Variants in ACOT11 observed in about 807,000 individuals in gnomAD.
ACOT11 encodes acyl-coenzyme A thioesterase 11.
Under a neutral mutation model 77.5 loss-of-function variants are expected in ACOT11, and 69 were observed. That is an observed-to-expected ratio of 0.89 (90% CI 0.73 to 1.09). The LOEUF is 1.09. Among genes scored for constraint, ACOT11 ranks in the 50% least tolerant of loss-of-function variants. The probability of loss-of-function intolerance (pLI) is 0.00; values close to 1 mark genes in which losing one functional copy is unlikely to be tolerated. For synonymous variants in ACOT11, 279 were observed against 313.0 expected (o/e 0.89, Z 1.15); for missense variants, 766 against 813.7 (o/e 0.94, Z 0.71).
chr1:54,601,511 C>A, intron 9 of ACOT11, 98 bp downstream of exon 9: 2 of 1,510,648 alleles, frequency 1.3e-6, no homozygotes, highest in Non-Finnish European at 1.8e-6. Flanking sequence ...GACCTAGAGG[C>A]GTGAGGGGCC....
intron 1 of ACOT11, among the ~76,000 whole-genome samples, chr1:54,554,351 ATTTTTT>A (rs35047110): frequency 5.1e-5 from 5 of 97,254 alleles, no homozygotes; most frequent in South Asian, 7.0e-4. Flanking sequence ...ATATATATAT[ATTTTTT>A]TTTTTTTTTT....
At chr1:54,619,358 G>A (rs1313681694) in intron 15 of ACOT11, among the ~76,000 whole-genome samples, 2 of 152,158 alleles carry the variant, frequency 1.3e-5, no homozygotes, top group South Asian at 2.1e-4. Flanking sequence ...CTCCAATGTT[G>A]GCTTAACTGC....
intron 13 of ACOT11, among the ~76,000 whole-genome samples, 198 bp from the exon 14 acceptor site, chr1:54,606,936 G>C (rs572047313): frequency 2.0e-5 from 3 of 152,258 alleles, no homozygotes; most frequent in East Asian, 3.8e-4. Flanking sequence ...ACATGTGCCT[G>C]TGTGTGCACA....
At chr1:54,566,254 C>A (rs138974171) in intron 1 of ACOT11, among the ~76,000 whole-genome samples, 1 of 152,046 alleles carries the variant, frequency 6.6e-6, no homozygotes, top group African/African-American at 2.4e-5. Flanking sequence ...GTCAGGAGTT[C>A]GAGAGCAGCC....
intron 15 of ACOT11, chr1:54,623,205 G>A (rs888486497): frequency 2.0e-6 from 2 of 982,148 alleles, no homozygotes; most frequent in Admixed American, 3.7e-5. Context: ...GGTCAGAGCT[G>A]TAAGTGAGAA....
downstream of ACOT11, among the ~76,000 whole-genome samples, chr1:54,611,382 A>G (rs1212883266): frequency 6.7e-6 from 1 of 149,642 alleles, no homozygotes; most frequent in Non-Finnish European, 1.5e-5. Flanking sequence ...CCTGGGTGAC[A>G]GAGTCAGACT....
chr1:54,603,730 A>G, intron 10 of ACOT11, 141 bp from the exon 11 acceptor site: 1 of 779,026 alleles, frequency 1.3e-6, no homozygotes, highest in East Asian at 2.5e-5. Context: ...CTGTGTGACC[A>G]TCCAGCCTCC....
At chr1:54,606,093 TG>T (rs943950733) in intron 13 of ACOT11, among the ~76,000 whole-genome samples, 7 of 152,220 alleles carry the variant, frequency 4.6e-5, no homozygotes, top group Admixed American at 6.5e-5. Flanking sequence ...TCTTTATACA[TG>T]GGCTTCCTGC....
chr1:54,549,143 G>A (rs1030141336), intron 1 of ACOT11, among the ~76,000 whole-genome samples: 5 of 152,016 alleles, frequency 3.3e-5, no homozygotes, highest in African/African-American at 7.3e-5. Flanking sequence ...CATCCTCACC[G>A]GGCCCTGTGC....
intron 1 of ACOT11, 48 bp downstream of exon 1, chr1:54,548,390 C>T: frequency 1.3e-6 from 2 of 1,572,714 alleles, no homozygotes; most frequent in Admixed American, 1.8e-5. Flanking sequence ...AAGCTGGGCA[C>T]CCAGAAAGAG....
intron 1 of ACOT11, among the ~76,000 whole-genome samples, chr1:54,575,632 G>A (rs557208562): frequency 1.3e-5 from 2 of 152,374 alleles, no homozygotes; most frequent in East Asian, 3.9e-4. Context: ...GGGCCCTGGA[G>A]ATACCAGAAG....
downstream of ACOT11, among the ~76,000 whole-genome samples, chr1:54,614,027 G>A (rs866027519): frequency 1.6e-4 from 25 of 152,314 alleles, no homozygotes; most frequent in Middle Eastern, 0.017. Flanking sequence ...TGTTCTGCAA[G>A]TCAAGTGCTT....
Position 54,599,363 on chromosome 1 carries a change from G to A in ACOT11, c.832G>A (p.Val278Ile), listed in dbSNP as rs367973317. The A allele has an allele frequency of 8.8e-5, 142 of 1,608,698 alleles. 2 individuals are homozygous for A. The South Asian group carries it at 1.5e-3, about 17-fold the overall frequency. Reference protein sequence around the residue: ...EMFHFRGPSQVGDRLVLKAIV... With the variant: ...EMFHFRGPSQIGDRLVLKAIV... ...GTTCCACTTCCGAGGCCCGTCCCAG[G>A]TCGGCGACCGTCTGGTGCTCAAAGC... is the stretch of plus-strand genomic sequence containing the variant. The change falls in exon 8 of 16, where the codon GTC becomes ATC. Residue 278 changes from valine (V) to isoleucine (I), a missense_variant. Physicochemically the swap from Val to Ile is conservative, Grantham distance 29. Transcript: ENST00000343744.
rs35914008 is a variant in ACOT11 at position 54,607,242 on chromosome 1, G to C, written c.1479G>C (p.Ser493=). 3.7e-6 allele frequency: 6 copies of C among 1,614,024 alleles called. No homozygotes were observed. In the South Asian group the frequency reaches 5.5e-5, roughly 15 times the overall value. The part of the protein sequence containing the change: ...TKPQDFVILA[S]RRKPCDNGDP... ...CCCAGGACTTCGTGATCCTGGCCTCGAGGCGGAAGCCTTGTGACAATGGGT... is the reference window on the plus strand; with the variant it reads ...CCCAGGACTTCGTGATCCTGGCCTCCAGGCGGAAGCCTTGTGACAATGGGT... Residue 493 remains serine, a synonymous_variant, in exon 14 of 16, where the codon TCG becomes TCC. Transcript: ENST00000343744. The surrounding 1 kb of genome is among the most constrained non-coding windows in gnomAD (Gnocchi z 4.5).
chr1:54,634,594 T>A, intron 16 of ACOT11: 1 of 683,806 alleles, frequency 1.5e-6, no homozygotes, highest in Non-Finnish European at 2.7e-6. Flanking sequence ...CACAATTGAA[T>A]CTAGCATTAT....
At chr1:54,611,662 T>C, downstream of ACOT11, 1 of 1,614,054 alleles carries the variant, frequency 6.2e-7, no homozygotes, top group Non-Finnish European at 8.5e-7. Flanking sequence ...GTAGACTTGG[T>C]GGACAGCAGT....
Position 54,608,653 on chromosome 1 carries a change from G to A in ACOT11, c.1630-304G>A, listed in dbSNP as rs140186916. 2.6e-3 allele frequency among the ~76,000 whole-genome samples: 398 copies of A among 152,276 alleles called. 3 individuals carry two copies. Among genetic ancestry groups the A allele is most frequent in the Non-Finnish European group, 3.7e-3 (250 of 67,984 alleles). On this transcript the variant is annotated intron_variant, in intron 15 of 15. Coordinates refer to ENST00000343744, the MANE Select transcript of ACOT11 (RefSeq NM_147161.4). ...TGGCCGAGATTCAGAGCTGGGCCCT[G>A]GAGATGCAGCCCCTGCCCTCCAGGG...
chr1:54,583,296 C>T (rs1654384307), intron 1 of ACOT11, among the ~76,000 whole-genome samples: 1 of 152,162 alleles, frequency 6.6e-6, no homozygotes, highest in Admixed American at 6.5e-5. Flanking sequence ...CTGGGTCAGA[C>T]AGGCCTGGTT....
chr1:54,558,785 G>T (rs766386688), intron 1 of ACOT11, among the ~76,000 whole-genome samples: 1 of 152,204 alleles, frequency 6.6e-6, no homozygotes, highest in Non-Finnish European at 1.5e-5. Context: ...TGCAGGCTGG[G>T]GGTCCAGGCC....
Sources: gnomAD v4.1 joint callset for allele counts (sites outside exome capture counted in the v4.1 genomes callset) on GRCh38, gnomAD v4.1.1 for gene constraint, Gnocchi (gnomAD v3.1) non-coding constraint, MANE v1.5 for transcripts, NCBI Gene and HGNC (gene_info 2026-07-23, HGNC 2026-07-21) for gene names.